The following GRM7 variants were observed in gnomAD, a reference collection of about 807,000 sequenced individuals.
GRM7 encodes the protein metabotropic glutamate receptor 7.
Under a neutral mutation model 84.5 loss-of-function variants are expected in GRM7, and 35 were observed. The observed-to-expected ratio is 0.41, with a 90% confidence interval of 0.32 to 0.55. The LOEUF is 0.55. GRM7 is among the 20% of genes least tolerant of loss of function. The pLI is 0.19. For synonymous variants in GRM7, 487 were observed against 455.1 expected (o/e 1.07, Z -0.89); for missense variants, 1,003 against 1,194.6 (o/e 0.84, Z 2.36).
intron 2 of GRM7, among the ~76,000 whole-genome samples, chr3:7,189,319 A>G (rs931552701): frequency 6.6e-6 from 1 of 152,194 alleles, no homozygotes; most frequent in Non-Finnish European, 1.5e-5. Flanking sequence ...GAACCTGGGT[A>G]CAATTCCTGG....
At chr3:6,958,810 C>A (rs546933377) in intron 1 of GRM7, among the ~76,000 whole-genome samples, 1 of 152,182 alleles carries the variant, frequency 6.6e-6, no homozygotes, top group Admixed American at 6.5e-5. Flanking sequence ...TTATACAGTT[C>A]AAATAAATCC....
At chr3:7,281,956 G>A (rs1699266182) in intron 2 of GRM7, among the ~76,000 whole-genome samples, 1 of 152,180 alleles carries the variant, frequency 6.6e-6, no homozygotes, top group African/African-American at 2.4e-5. Flanking sequence ...GGCAGCGTGA[G>A]GCTGTAGTCC....
intron 8 of GRM7, among the ~76,000 whole-genome samples, chr3:7,635,384 A>C (rs7642924): frequency 0.69 from 105,141 of 152,150 alleles, 36,544 homozygotes; most frequent in South Asian, 0.83. Context: ...ATGTTCAACA[A>C]CGTGTCCATT....
At position 7,656,516 on chromosome 3, in the gene GRM7, A is replaced by T. The variant is rs1226678128; in HGVS notation, c.2452-23533A>T. Among the ~76,000 whole-genome samples the T allele has an allele frequency of 4.5e-3, 380 of 84,932 alleles. 5 individuals are homozygous for T. The highest frequency in any genetic ancestry group is 0.025 in the Middle Eastern group (5 of 202). The allele number at this position is 84,932 out of a possible 152,430, so 55.7% of individuals were successfully genotyped here. A position where few individuals can be genotyped will look rare whatever the true frequency, so the allele number is the denominator to read the frequency against. ...GTCTCAAAAAACAAACAAACAAATA[A>T]AAAAAAATATATATATATATATACG... On this transcript the variant is annotated intron_variant, in intron 8 of 9. Transcript: ENST00000357716.
At position 7,124,300 on chromosome 3, in the gene GRM7, A is replaced by G. The variant is rs552862949; in HGVS notation, c.520-22152A>G. Reference sequence around the variant, plus strand: ...GAGCATAGCATGCTTAGATTTAAACATATTGATAGAGCGGGTCCTTTTATC... The same window carrying G: ...GAGCATAGCATGCTTAGATTTAAACGTATTGATAGAGCGGGTCCTTTTATC... On this transcript the variant is annotated intron_variant, in intron 1 of 9. Coordinates refer to ENST00000357716, the MANE Select transcript of GRM7 (RefSeq NM_000844.4). Among the ~76,000 whole-genome samples, 28 of 152,338 alleles carry G rather than the reference A, an allele frequency of 1.8e-4. No individual in the cohort carries two copies. In the South Asian group the frequency reaches 5.4e-3, roughly 29 times the overall value.
intron 1 of GRM7, among the ~76,000 whole-genome samples, chr3:7,083,321 A>G (rs895750969): frequency 2.0e-5 from 3 of 152,144 alleles, no homozygotes; most frequent in African/African-American, 7.2e-5. Context: ...AGCATTATTT[A>G]GCAATAAAGT....
chr3:7,268,890 A>T (rs1698745426), intron 2 of GRM7, among the ~76,000 whole-genome samples: 2 of 152,200 alleles, frequency 1.3e-5, no homozygotes, highest in African/African-American at 4.8e-5. Flanking sequence ...GACCGAGTCC[A>T]GGAGCTCAGT....
At chr3:7,729,142 C>T (rs1308607830) in intron 9 of GRM7, among the ~76,000 whole-genome samples, 1 of 151,710 alleles carries the variant, frequency 6.6e-6, no homozygotes, top group South Asian at 2.1e-4. Flanking sequence ...AATTCACCCA[C>T]ACGCTGAAAT....
At chr3:7,011,025 C>G (rs115186269) in intron 1 of GRM7, among the ~76,000 whole-genome samples, 2,790 of 152,248 alleles carry the variant, frequency 0.018, 91 homozygotes, top group African/African-American at 0.063. Flanking sequence ...GGCCAAGACA[C>G]TAGAGTCAGA....
intron 2 of GRM7, among the ~76,000 whole-genome samples, chr3:7,269,664 A>G (rs914678073): frequency 6.6e-6 from 1 of 152,208 alleles, no homozygotes; most frequent in South Asian, 2.1e-4. Context: ...ATGCATGAAG[A>G]TTCTGCTCCT....
intron 2 of GRM7, among the ~76,000 whole-genome samples, chr3:7,284,410 C>T (rs1427326710): frequency 6.6e-6 from 1 of 151,950 alleles, no homozygotes; most frequent in African/African-American, 2.4e-5. Flanking sequence ...CAGAATATCA[C>T]ATAATGAATA....
intron 4 of GRM7, among the ~76,000 whole-genome samples, chr3:7,406,662 G>A (rs893187892): frequency 1.8e-4 from 28 of 152,144 alleles, no homozygotes; most frequent in African/African-American, 6.3e-4. Context: ...AATCAAAGCT[G>A]AGACATTATG....
intron 4 of GRM7, among the ~76,000 whole-genome samples, chr3:7,349,426 T>G (rs1693035045): frequency 6.6e-6 from 1 of 152,176 alleles, no homozygotes; most frequent in African/African-American, 2.4e-5. Flanking sequence ...AGTATGAATA[T>G]TTCTGATTTG....
At chr3:7,477,722 C>A (rs920796921) in intron 7 of GRM7, among the ~76,000 whole-genome samples, 5 of 152,106 alleles carry the variant, frequency 3.3e-5, no homozygotes, top group Non-Finnish European at 7.4e-5. Flanking sequence ...TTTGAAATAT[C>A]ATTTGAATGT....
rs1041042216 is a variant in GRM7, at chr3:6,928,333, GT to G, written c.519+66429del. ...TAAGCCCCACAGTTTTCCCATGAAA[GT>G]TTACTATTTGGCACTGGTCCTGCAG... On this transcript the variant is annotated intron_variant, in intron 1 of 9. Transcript: ENST00000357716. The surrounding 1 kb of genome is among the most constrained non-coding windows in gnomAD (Gnocchi z 4.5). Among the ~76,000 whole-genome samples, 69 of 152,088 alleles carry G rather than the reference GT, an allele frequency of 4.5e-4. No homozygotes were observed. Among genetic ancestry groups the G allele is most frequent in the African/African-American group, 1.7e-3 (69 of 41,422 alleles).
At chr3:7,432,290 T>C (rs1336904198) in intron 5 of GRM7, among the ~76,000 whole-genome samples, 1 of 152,114 alleles carries the variant, frequency 6.6e-6, no homozygotes, top group Non-Finnish European at 1.5e-5. Context: ...ACAAACATAA[T>C]ATATGTAAGT....
chr3:7,024,596 G>C (rs1240436), intron 1 of GRM7, among the ~76,000 whole-genome samples: 90,353 of 152,098 alleles, frequency 0.59, 29,005 homozygotes, highest in African/African-American at 0.85. Flanking sequence ...AACTGCAGCA[G>C]GCATGGAGAT....
rs5846487 is a variant in GRM7 at position 7,106,274 on chromosome 3, C to CT, written c.520-40168dup. Among the ~76,000 whole-genome samples, 675 of 149,214 alleles carry CT rather than the reference C, an allele frequency of 4.5e-3. 6 individuals carry two copies. The highest frequency in any genetic ancestry group is 0.014 in the African/African-American group (567 of 41,192). Reference sequence around the variant, plus strand: ...AACTTCAATAAAGCAATTCATTTTTCTTTTTTTTTTATTATACTTTAAGTT... The same window carrying CT: ...AACTTCAATAAAGCAATTCATTTTTCTTTTTTTTTTTATTATACTTTAAGTT... On this transcript the variant is annotated intron_variant, in intron 1 of 9. Coordinates refer to ENST00000357716, the MANE Select transcript of GRM7 (RefSeq NM_000844.4).
intron 1 of GRM7, among the ~76,000 whole-genome samples, chr3:7,035,746 G>A (rs1696364194): frequency 6.6e-6 from 1 of 152,142 alleles, no homozygotes; most frequent in South Asian, 2.1e-4. Context: ...CACAAATGTG[G>A]CTTATATGAG....
Sources: gnomAD v4.1 joint callset for allele counts (sites outside exome capture counted in the v4.1 genomes callset) on GRCh38, gnomAD v4.1.1 for gene constraint, Gnocchi (gnomAD v3.1) non-coding constraint, MANE v1.5 for transcripts, NCBI Gene and HGNC (gene_info 2026-07-23, HGNC 2026-07-21) for gene names.